The following BRIX1 variants were observed in gnomAD, a reference collection of about 807,000 sequenced individuals.
BRIX1 encodes the protein ribosome biogenesis protein BRX1 homolog.
BRIX1 carries 15 observed loss-of-function variants against 44.0 expected under a neutral mutation model. The ratio of observed to expected loss-of-function variants is 0.34; its 90% CI spans 0.23 to 0.53. The LOEUF (loss-of-function observed/expected upper bound fraction) is 0.53. BRIX1 is among the 20% of genes least tolerant of loss of function. The pLI, the probability that BRIX1 is intolerant of heterozygous loss-of-function variation, is 0.95. For synonymous variants in BRIX1, 149 were observed against 135.4 expected (o/e 1.10, Z -0.70); for missense variants, 420 against 432.8 (o/e 0.97, Z 0.26).
Position 34,922,747 on chromosome 5 carries a change from G to A in BRIX1, c.489G>A (p.Arg163=). ...CTGGAAACTGTTTGAAAGGTTCTCGGCCCCTTTTGTCTTTTGACCCTGTAA... is the reference window on the plus strand; with the variant it reads ...CTGGAAACTGTTTGAAAGGTTCTCGACCCCTTTTGTCTTTTGACCCTGTAA... ...KMTGNCLKGS[R]PLLSFDPAFD... Residue 163 remains arginine (R), a synonymous_variant, in exon 6 of 10, where the codon CGG becomes CGA. Coordinates refer to ENST00000336767, the MANE Select transcript of BRIX1 (RefSeq NM_018321.4). 1 of 1,613,922 alleles carries A rather than the reference G, an allele frequency of 6.2e-7. No individual in the cohort carries two copies. The highest frequency in any genetic ancestry group is 8.5e-7 in the Non-Finnish European group (1 of 1,179,906).
At chr5:34,917,325 A>T (rs1764134077) in intron 1 of BRIX1, among the ~76,000 whole-genome samples, 1 of 152,172 alleles carries the variant, frequency 6.6e-6, no homozygotes, top group African/African-American at 2.4e-5. Flanking sequence ...GGAAGTAAGG[A>T]TGTGATGGAA....
rs775938413 is a variant in BRIX1 at position 34,915,840 on chromosome 5, C to T, written c.102C>T (p.Ala34=). 6.4e-7 allele frequency: 1 copy of T among 1,569,808 alleles called. No homozygotes were observed. Among genetic ancestry groups the T allele is most frequent in the Non-Finnish European group, 8.6e-7 (1 of 1,157,234 alleles). ...CGGAGCCGCCAGCTAAGCGGCACGC[C>T]ACAGCAGAGGAGGTGGAGGAAGAAG... ...IDAEPPAKRH[A]TAEEVEEEER... The change falls in exon 1 of 10, where the codon GCC becomes GCT. Residue 34 remains alanine, a synonymous_variant. Coordinates refer to ENST00000336767, the MANE Select transcript of BRIX1 (RefSeq NM_018321.4).
rs865965960 is a variant in BRIX1 at position 34,919,851 on chromosome 5, G to T, written c.283G>T (p.Asp95Tyr). ...MPHSKADTKM[D>Y]RKDKLFVINE... The stretch of plus-strand genomic sequence containing the variant: ...TTTTCTTTTTCTAGATACTAAAATG[G>T]ATCGTAAGGATAAGCTATTTGTGAT... The change falls in exon 3 of 10, where the codon GAT becomes TAT. Residue 95 changes from aspartate to tyrosine, a missense_variant. Physicochemically the swap from Asp to Tyr is radical, Grantham distance 160. Coordinates refer to ENST00000336767, the MANE Select transcript of BRIX1 (RefSeq NM_018321.4). 4 of 1,138,852 alleles carry T rather than the reference G, an allele frequency of 3.5e-6. No homozygotes were observed. The highest frequency in any genetic ancestry group is 2.6e-5 in the East Asian group (1 of 38,610). 70.5% of individuals were successfully genotyped at this position (1,138,852 alleles called of 1,614,324 possible). A position where few individuals can be genotyped will look rare whatever the true frequency, so the allele number is the denominator to read the frequency against.
chr5:34,919,299 A>G (rs1344610413), intron 2 of BRIX1, among the ~76,000 whole-genome samples: 1 of 149,750 alleles, frequency 6.7e-6, no homozygotes, highest in Non-Finnish European at 1.5e-5. Context: ...AAAAAAAAAA[A>G]AGTTTGGAAC....
At chr5:34,916,419 C>T (rs1446203967) in intron 1 of BRIX1, 1 of 152,416 alleles carries the variant, frequency 6.6e-6, no homozygotes, top group African/African-American at 2.4e-5. Context: ...GTAGTATGAG[C>T]TTTACTTGTA....
intron 3 of BRIX1, chr5:34,920,723 T>C (rs1043392513): frequency 1.6e-4 from 24 of 152,210 alleles, no homozygotes; most frequent in East Asian, 5.8e-4. Flanking sequence ...AGGAGAAATA[T>C]GGTAAAAGAC....
chr5:34,925,240 A>G lies in BRIX1; in HGVS notation c.807A>G (p.Ile269Met), dbSNP rs1204864780. 6.3e-7 allele frequency: 1 copy of G among 1,591,054 alleles called. No homozygotes were observed. The highest frequency in any genetic ancestry group is 8.5e-7 in the Non-Finnish European group (1 of 1,171,746). Residue 269 changes from isoleucine (I) to methionine (M), a missense_variant, in exon 10 of 10, where the codon ATA becomes ATG. Coordinates refer to ENST00000336767, the MANE Select transcript of BRIX1 (RefSeq NM_018321.4). ...YQSPNMHRRV[I>M]RSITAAKYRE... ...TTTTTTTTTAGCATCGGCGTGTCAT[A>G]AGATCCATCACAGCTGCAAAATACA...
chr5:34,925,457 A>G lies in BRIX1; in HGVS notation c.1024A>G (p.Lys342Glu). Residue 342 changes from lysine to glutamate, a missense_variant, in exon 10 of 10, where the codon AAA becomes GAA. Physicochemically the swap from Lys to Glu is moderately conservative, Grantham distance 56 (BLOSUM62 1). Transcript: ENST00000336767. ...RKKRIYKRQR[K>E]MKQRMDSGKT... ...GAAACGGATTTACAAAAGGCAAAGAAAAATGAAACAGAGGATGGACAGTGG... is the reference window on the plus strand; with the variant it reads ...GAAACGGATTTACAAAAGGCAAAGAGAAATGAAACAGAGGATGGACAGTGG... The G allele has an allele frequency of 1.2e-6, 2 of 1,613,892 alleles. No individual in the cohort carries two copies. The highest frequency in any genetic ancestry group is 1.7e-6 in the Non-Finnish European group (2 of 1,180,000).
intron 1 of BRIX1, 132 bp downstream of exon 1, chr5:34,916,029 T>G: frequency 9.3e-7 from 1 of 1,070,892 alleles, no homozygotes. Flanking sequence ...GTTTTAGCAA[T>G]TCTCCCGGCC....
intron 8 of BRIX1, among the ~76,000 whole-genome samples, chr5:34,924,180 G>C (rs1428803021): frequency 6.6e-6 from 1 of 152,218 alleles, no homozygotes; most frequent in Non-Finnish European, 1.5e-5. Flanking sequence ...TGAAGCAGGA[G>C]TTTGGCACGA....
chr5:34,920,657 A>G (rs1764218631), intron 3 of BRIX1: 1 of 152,212 alleles, frequency 6.6e-6, no homozygotes, highest in South Asian at 2.1e-4. Flanking sequence ...CTGAGGCTAC[A>G]CCGGAAAAAC....
intron 1 of BRIX1, chr5:34,916,263 T>C (rs1170274106): frequency 1.2e-5 from 2 of 170,086 alleles, no homozygotes; most frequent in Non-Finnish European, 2.5e-5. Context: ...GTGATTAGTA[T>C]GCCCATATAC....
In BRIX1 at chr5:34,924,833, C is replaced by T. The variant is rs761799109; in HGVS notation, c.664-14C>T. On this transcript the variant is annotated splice_polypyrimidine_tract_variant and intron_variant, in intron 8 of 9. Transcript: ENST00000336767. ...GTAACCAAACCAAAATGAAATGTTT[C>T]CTTTTTATTAAAGATCATAGAAGAA... is the stretch of plus-strand genomic sequence containing the variant. 18 of 1,580,604 alleles carry T rather than the reference C, an allele frequency of 1.1e-5. No homozygotes were observed. The South Asian group carries it at 1.6e-4, about 14-fold the overall frequency.
intron 1 of BRIX1, 184 bp downstream of exon 1, chr5:34,916,081 C>A: frequency 1.6e-6 from 1 of 632,716 alleles, no homozygotes. Context: ...GTGCACGTGG[C>A]CGTCTTCCTG....
intron 2 of BRIX1, 47 bp downstream of exon 2, chr5:34,918,522 C>T (rs752549530): frequency 1.9e-6 from 2 of 1,079,828 alleles, no homozygotes; most frequent in South Asian, 1.7e-5. Flanking sequence ...ATAAACTTAC[C>T]TATTTTTATG....
chr5:34,920,125 A>G, intron 3 of BRIX1: 1 of 314,854 alleles, frequency 3.2e-6, no homozygotes, highest in Non-Finnish European at 5.9e-6. Context: ...ATTATGTCCC[A>G]TTTTTTAACC....
intron 8 of BRIX1, among the ~76,000 whole-genome samples, 188 bp from the exon 9 acceptor site, chr5:34,924,659 G>C (rs369951098): frequency 6.6e-6 from 1 of 152,050 alleles, no homozygotes; most frequent in African/African-American, 2.4e-5. Flanking sequence ...ATTTTTCCAT[G>C]ACAACTTCCT....
intron 2 of BRIX1, among the ~76,000 whole-genome samples, chr5:34,919,274 CAAA>C (rs71299559): frequency 1.9e-3 from 69 of 35,964 alleles, no homozygotes; most frequent in African/African-American, 7.4e-3. Flanking sequence ...GACCCTGTCT[CAAA>C]AAAAAAAAAA....
intron 8 of BRIX1, among the ~76,000 whole-genome samples, chr5:34,923,717 TA>T (rs1764291137): frequency 6.6e-6 from 1 of 152,202 alleles, no homozygotes; most frequent in African/African-American, 2.4e-5. Context: ...AATTTTTAGT[TA>T]AACTTTTAGA....
Sources: allele counts gnomAD v4.1 joint callset (sites outside exome capture counted in the v4.1 genomes callset), GRCh38; gene constraint gnomAD v4.1.1; transcripts MANE v1.5; gene names NCBI Gene and HGNC (gene_info 2026-07-23, HGNC 2026-07-21).